NKAIN3: variants seen among roughly 807,000 people sequenced by gnomAD.
The protein encoded by NKAIN3 is sodium/potassium-transporting ATPase subunit beta-1-interacting protein 3.
NKAIN3 carries 25 observed loss-of-function variants against 30.2 expected under a neutral mutation model. The observed-to-expected ratio is 0.83, with a 90% CI of 0.60 to 1.16. The LOEUF (loss-of-function observed/expected upper bound fraction) is 1.16. Among genes scored for constraint, NKAIN3 ranks in the 50% most tolerant of loss-of-function variants. The pLI, the probability that NKAIN3 is intolerant of heterozygous loss-of-function variation, is 0.00. For missense variants in NKAIN3, 225 were observed against 254.1 expected (o/e 0.89, Z 0.78); for synonymous variants, 91 against 89.6 (o/e 1.02, Z -0.09).
chr8:62,639,160 A>G (rs1812227987), intron 3 of NKAIN3, among the ~76,000 whole-genome samples: 1 of 152,198 alleles, frequency 6.6e-6, no homozygotes, highest in South Asian at 2.1e-4. Context: ...AGAGAATAGA[A>G]GGGGACCAAT....
chr8:62,551,346 G>C (rs1809202620), intron 1 of NKAIN3, among the ~76,000 whole-genome samples: 1 of 152,018 alleles, frequency 6.6e-6, no homozygotes. Flanking sequence ...TTTTTGTTTT[G>C]TTTTTGGTCT....
At chr8:62,936,516 A>T (rs1397640930) in intron 5 of NKAIN3, among the ~76,000 whole-genome samples, 1 of 152,166 alleles carries the variant, frequency 6.6e-6, no homozygotes, top group East Asian at 1.9e-4. Flanking sequence ...ACAGAAGGAA[A>T]TTCCAGGACA....
rs62508089 is a variant in NKAIN3 at position 62,972,074 on chromosome 8, A to G, written c.*6667A>G. On this transcript the variant is annotated 3_prime_UTR_variant, in exon 7 of 7. Transcript: ENST00000623646. ...TATGGTCATAACACTTGGCTATTTT[A>G]TTTTGGTAGGGCCTTCTCTTCTGAA... Among the ~76,000 whole-genome samples, 1,629 of 152,158 alleles carry G rather than the reference A, an allele frequency of 0.011. 14 individuals carry two copies. Among genetic ancestry groups the G allele is most frequent in the Non-Finnish European group, 0.016 (1,109 of 68,000 alleles).
rs1808121697 is a variant in NKAIN3, at chr8:62,520,484, T to C, written c.55-59055T>C. On this transcript the variant is annotated intron_variant, in intron 1 of 6. Transcript: ENST00000623646. The stretch of plus-strand genomic sequence containing the variant: ...ATAACATAAATTCTTCTTGTCATGT[T>C]AAGTGTTTGAAATCCTCTGTATTTT... Among the ~76,000 whole-genome samples the C allele has an allele frequency of 2.0e-5, 3 of 152,198 alleles. No homozygotes were observed. In the South Asian group the frequency reaches 6.2e-4, roughly 31 times the overall value.
At chr8:62,499,717 C>A (rs1248590185) in intron 1 of NKAIN3, among the ~76,000 whole-genome samples, 3 of 152,014 alleles carry the variant, frequency 2.0e-5, no homozygotes, top group Admixed American at 2.0e-4. Context: ...ACAGTTTAGG[C>A]AGCATATATT....
At chr8:62,279,588 A>T (rs1471215587) in intron 1 of NKAIN3, among the ~76,000 whole-genome samples, 2 of 152,232 alleles carry the variant, frequency 1.3e-5, no homozygotes, top group African/African-American at 2.4e-5. Context: ...AGCTTTCTAC[A>T]TATGGCTAGC....
intron 3 of NKAIN3, among the ~76,000 whole-genome samples, chr8:62,701,518 G>T (rs1243207831): frequency 1.3e-5 from 2 of 152,150 alleles, no homozygotes; most frequent in African/African-American, 2.4e-5. Context: ...ATCCTCGCAG[G>T]CCAGTGACTA....
At chr8:62,957,380 C>T (rs998673799) in intron 6 of NKAIN3, among the ~76,000 whole-genome samples, 3 of 152,146 alleles carry the variant, frequency 2.0e-5, no homozygotes, top group Non-Finnish European at 1.5e-5. Flanking sequence ...GTGATCCGCC[C>T]CCTTCGGCCT....
chr8:62,812,390 T>C (rs536134450), intron 4 of NKAIN3, among the ~76,000 whole-genome samples: 1 of 152,020 alleles, frequency 6.6e-6, no homozygotes, highest in Non-Finnish European at 1.5e-5. Context: ...TTGTTAAAAA[T>C]TGCATCAAAT....
At chr8:62,774,026 C>G (rs1780240773) in intron 4 of NKAIN3, among the ~76,000 whole-genome samples, 1 of 152,110 alleles carries the variant, frequency 6.6e-6, no homozygotes, top group Admixed American at 6.6e-5. Flanking sequence ...AATATTGATT[C>G]TTCCAGCATA....
At chr8:62,800,658 G>GCTCC (rs1818025570) in intron 4 of NKAIN3, among the ~76,000 whole-genome samples, 1 of 152,196 alleles carries the variant, frequency 6.6e-6, no homozygotes, top group Non-Finnish European at 1.5e-5. Flanking sequence ...AATAGGAAGA[G>GCTCC]CTCCGGTCTA....
chr8:62,317,551 G>A (rs1309882808), intron 1 of NKAIN3, among the ~76,000 whole-genome samples: 1 of 152,140 alleles, frequency 6.6e-6, no homozygotes, highest in African/African-American at 2.4e-5. Context: ...CCCATTGCTT[G>A]TTTTTCTCAG....
At chr8:62,925,177 C>T (rs1822400083) in intron 5 of NKAIN3, among the ~76,000 whole-genome samples, 1 of 152,110 alleles carries the variant, frequency 6.6e-6, no homozygotes, top group Non-Finnish European at 1.5e-5. Flanking sequence ...AATTGCATCC[C>T]CCACTCATAA....
At chr8:62,889,318 C>T (rs956614723) in intron 4 of NKAIN3, among the ~76,000 whole-genome samples, 2 of 151,688 alleles carry the variant, frequency 1.3e-5, no homozygotes, top group Admixed American at 6.6e-5. Context: ...TACAGTGAGC[C>T]GAGATCATGC....
intron 1 of NKAIN3, among the ~76,000 whole-genome samples, chr8:62,519,145 A>G (rs1342084888): frequency 6.6e-6 from 1 of 152,166 alleles, no homozygotes; most frequent in Admixed American, 6.5e-5. Context: ...TTCTAATACC[A>G]GTGATTAAAT....
chr8:62,666,567 A>AT lies in NKAIN3; in HGVS notation c.273+76780dup, dbSNP rs538934140. On this transcript the variant is annotated intron_variant, in intron 3 of 6. Transcript: ENST00000623646. ...AGCTTTAAATATCTGTCATTTTGTG[A>AT]TTTTTTTCTTATACTAAATAATTTC... Among the ~76,000 whole-genome samples the AT allele has an allele frequency of 4.3e-3, 651 of 152,040 alleles. 1 individual carries two copies. The highest frequency in any genetic ancestry group is 0.01 in the Middle Eastern group (3 of 294).
downstream of NKAIN3, among the ~76,000 whole-genome samples, chr8:62,985,080 C>G (rs1466554663): frequency 6.6e-6 from 1 of 152,140 alleles, no homozygotes; most frequent in Non-Finnish European, 1.5e-5. Context: ...CTGGTCCCTC[C>G]CCTAGAAATT....
chr8:62,650,795 G>T (rs1050447871), intron 3 of NKAIN3, among the ~76,000 whole-genome samples: 1 of 152,108 alleles, frequency 6.6e-6, no homozygotes, highest in Non-Finnish European at 1.5e-5. Flanking sequence ...TTGCATAGAT[G>T]AGGATAGAAA....
At chr8:62,285,082 G>A (rs1813335308) in intron 1 of NKAIN3, among the ~76,000 whole-genome samples, 1 of 152,056 alleles carries the variant, frequency 6.6e-6, no homozygotes, top group Admixed American at 6.6e-5. Context: ...CTATCCTGGG[G>A]CTCTTCAATA....
Sources: gnomAD v4.1 joint callset for allele counts (sites outside exome capture counted in the v4.1 genomes callset) on GRCh38, gnomAD v4.1.1 for gene constraint, MANE v1.5 for transcripts, NCBI Gene and HGNC (gene_info 2026-07-23, HGNC 2026-07-21) for gene names.